MRTFB: variants seen among roughly 807,000 people sequenced by gnomAD.
The protein encoded by MRTFB is myocardin related transcription factor B.
MRTFB carries 29 observed loss-of-function variants against 104.2 expected under a neutral mutation model. That is an observed-to-expected ratio of 0.28 (90% confidence interval 0.21 to 0.38). MRTFB has a LOEUF of 0.38. Among genes scored for constraint, MRTFB ranks in the 10% least tolerant of loss-of-function variants. MRTFB has a pLI of 1.00. For missense variants in MRTFB, 1,270 were observed against 1,341.6 expected (o/e 0.95, Z 0.83); for synonymous variants, 535 against 519.5 (o/e 1.03, Z -0.41).
intron 3 of MRTFB, among the ~76,000 whole-genome samples, chr16:14,169,754 G>A (rs2039362673): frequency 6.6e-6 from 1 of 152,148 alleles, no homozygotes; most frequent in Admixed American, 6.5e-5. Flanking sequence ...GCCATGCATG[G>A]TGGTGCATGC....
chr16:14,053,630 C>G, the MRTFB span, among the ~76,000 whole-genome samples: 10 of 151,230 alleles, frequency 6.6e-5, no homozygotes, highest in Non-Finnish European at 1.2e-4. Flanking sequence ...ACTCAGGAGG[C>G]TGAGGCAGCA....
the MRTFB span, among the ~76,000 whole-genome samples, chr16:14,037,728 A>G: frequency 6.6e-6 from 1 of 152,200 alleles, no homozygotes; most frequent in Admixed American, 6.5e-5. Context: ...CCTTAAGTGC[A>G]TGAGGCAGAG....
the MRTFB span, among the ~76,000 whole-genome samples, chr16:14,049,875 G>A: frequency 6.6e-6 from 1 of 152,208 alleles, no homozygotes; most frequent in African/African-American, 2.4e-5. Flanking sequence ...TGGTACTACA[G>A]GCATGTATCA....
intron 8 of MRTFB, among the ~76,000 whole-genome samples, chr16:14,229,728 A>G (rs2042172592): frequency 6.6e-6 from 1 of 152,114 alleles, no homozygotes; most frequent in East Asian, 1.9e-4. Flanking sequence ...GTCAGTCTTT[A>G]TGATCAACAG....
At chr16:14,160,316 C>T (rs533754370) in intron 3 of MRTFB, among the ~76,000 whole-genome samples, 1 of 152,212 alleles carries the variant, frequency 6.6e-6, no homozygotes, top group South Asian at 2.1e-4. Context: ...TTTGTCAGAT[C>T]AGTCCTAGTG....
At chr16:14,168,613 C>T (rs2039326146) in intron 3 of MRTFB, among the ~76,000 whole-genome samples, 1 of 152,182 alleles carries the variant, frequency 6.6e-6, no homozygotes, top group South Asian at 2.1e-4. Context: ...GAGTAGATCA[C>T]AGTTTATTTA....
At chr16:14,209,321 G>A (rs1043884518) in intron 3 of MRTFB, among the ~76,000 whole-genome samples, 38 of 152,158 alleles carry the variant, frequency 2.5e-4, no homozygotes, top group Admixed American at 2.5e-3. Context: ...CAACCATTAA[G>A]CAGACTCTTA....
intron 2 of MRTFB, among the ~76,000 whole-genome samples, chr16:14,081,148 T>C: frequency 6.6e-6 from 1 of 152,204 alleles, no homozygotes; most frequent in East Asian, 1.9e-4. Flanking sequence ...GTCTCTACAT[T>C]TTTGCCAGCA....
At position 14,245,663 on chromosome 16, in the gene MRTFB, G is replaced by A. The variant is rs762665502; in HGVS notation, c.1212+3G>A. The A allele has an allele frequency of 4.4e-6, 7 of 1,605,196 alleles. No homozygotes were observed. In the East Asian group the frequency reaches 1.1e-4, roughly 26 times the overall value. On this transcript the variant is annotated splice_donor_region_variant and intron_variant, in intron 11 of 16. Transcript: ENST00000571589. ...CTTCTAGCCTGGATGACTTAAAGGTGACAATTGCAACTGGAGCTTATTCAC... is the reference window on the plus strand; with the variant it reads ...CTTCTAGCCTGGATGACTTAAAGGTAACAATTGCAACTGGAGCTTATTCAC...
intron 13 of MRTFB, among the ~76,000 whole-genome samples, chr16:14,250,505 T>A (rs569184084): frequency 2.6e-5 from 4 of 152,332 alleles, no homozygotes; most frequent in Non-Finnish European, 5.9e-5. Flanking sequence ...AAACAGCCTC[T>A]CCAAAGGGGA....
chr16:14,180,885 C>G (rs1597170922), intron 3 of MRTFB, among the ~76,000 whole-genome samples: 1 of 152,184 alleles, frequency 6.6e-6, no homozygotes, highest in African/African-American at 2.4e-5. Context: ...AGTGATCAGA[C>G]TGTTTGGCCC....
chr16:14,126,731 GC>G (rs1416008551), intron 2 of MRTFB, among the ~76,000 whole-genome samples: 1 of 152,130 alleles, frequency 6.6e-6, no homozygotes, highest in Non-Finnish European at 1.5e-5. Flanking sequence ...AACTAAAGAT[GC>G]TGTGGCTTTG....
chr16:14,055,368 G>T, the MRTFB span, among the ~76,000 whole-genome samples: 2 of 152,070 alleles, frequency 1.3e-5, no homozygotes, highest in African/African-American at 4.8e-5. Context: ...AGAAGAAGAA[G>T]AAGTAGTTAA....
intron 3 of MRTFB, among the ~76,000 whole-genome samples, chr16:14,168,995 A>G (rs556135637): frequency 6.6e-6 from 1 of 152,290 alleles, no homozygotes; most frequent in East Asian, 1.9e-4. Flanking sequence ...ATTTATGTGA[A>G]AGATTTTTTC....
chr16:14,194,563 A>G (rs1400751737), intron 3 of MRTFB, among the ~76,000 whole-genome samples: 2 of 152,244 alleles, frequency 1.3e-5, no homozygotes, highest in Non-Finnish European at 2.9e-5. Context: ...TTGATGTAAG[A>G]ACTTTTTCTA....
chr16:14,070,466 A>G (rs532377628), upstream of MRTFB, among the ~76,000 whole-genome samples: 1 of 152,318 alleles, frequency 6.6e-6, no homozygotes, highest in Non-Finnish European at 1.5e-5. Context: ...CCATTCCATC[A>G]TGCTCTCTAC....
chr16:14,134,272 AT>A (rs764371556), intron 2 of MRTFB, among the ~76,000 whole-genome samples: 1 of 152,156 alleles, frequency 6.6e-6, no homozygotes, highest in Non-Finnish European at 1.5e-5. Flanking sequence ...TTTATAGTAT[AT>A]TTTTTCTGTA....
intron 8 of MRTFB, among the ~76,000 whole-genome samples, chr16:14,228,749 A>G (rs1272583481): frequency 6.6e-6 from 1 of 152,260 alleles, no homozygotes; most frequent in Non-Finnish European, 1.5e-5. Context: ...GCCTTTAAAA[A>G]GGAAGCAAAT....
At chr16:14,253,230 T>C (rs1226915419) in intron 15 of MRTFB, among the ~76,000 whole-genome samples, 1 of 152,136 alleles carries the variant, frequency 6.6e-6, no homozygotes, top group South Asian at 2.1e-4. Context: ...CCTCCAATCT[T>C]TCTCTCTAAA....
Sources: gnomAD v4.1 joint callset for allele counts (sites outside exome capture counted in the v4.1 genomes callset) on GRCh38, gnomAD v4.1.1 for gene constraint, MANE v1.5 for transcripts, NCBI Gene and HGNC (gene_info 2026-07-23, HGNC 2026-07-21) for gene names.